CLASP1: variants seen among roughly 807,000 people sequenced by gnomAD.
CLASP1 encodes the protein cytoplasmic linker associated protein 1, also known as CLIP-associating protein 1.
CLASP1 carries 38 observed loss-of-function variants against 192.3 expected under a neutral mutation model. That is an observed-to-expected ratio of 0.20 (90% CI 0.15 to 0.26). The LOEUF (loss-of-function observed/expected upper bound fraction) is 0.26, where lower values mean the gene tolerates loss of function less well. Ranked by LOEUF, CLASP1 falls within the 10% of genes least tolerant of loss-of-function variation. The probability of loss-of-function intolerance (pLI) is 1.00; values close to 1 mark genes in which losing one functional copy is unlikely to be tolerated. For missense variants in CLASP1, 1,433 were observed against 1,932.5 expected (o/e 0.74, Z 4.85); for synonymous variants, 691 against 712.8 (o/e 0.97, Z 0.49).
rs540859369 is a variant in CLASP1 at position 121,484,182 on chromosome 2, A to G, written c.713-14222T>C. Among the ~76,000 whole-genome samples the G allele has an allele frequency of 4.6e-5, 7 of 152,316 alleles. No homozygotes were observed. The South Asian group carries it at 1.5e-3, about 32-fold the overall frequency. On this transcript the variant is annotated intron_variant, in intron 8 of 39. Transcript: ENST00000263710. ...TTTGTAAATTATAGATATATTACTA[A>G]AAGTACCTATTTGATAACTGTCCTC...
At chr2:121,593,962 C>T (rs1320699811) in intron 2 of CLASP1, among the ~76,000 whole-genome samples, 34 of 149,862 alleles carry the variant, frequency 2.3e-4, no homozygotes, top group Non-Finnish European at 4.6e-4. Flanking sequence ...GAGCCGAGAT[C>T]GCGCCACTGC....
At chr2:121,499,003 CTG>C (rs765670646) in intron 8 of CLASP1, among the ~76,000 whole-genome samples, 45 of 152,340 alleles carry the variant, frequency 3.0e-4, no homozygotes, top group East Asian at 9.6e-4. Context: ...AACTGGAAAA[CTG>C]TGTGTTTACT....
At chr2:121,616,553 C>G (rs2066495672) in intron 1 of CLASP1, among the ~76,000 whole-genome samples, 1 of 152,126 alleles carries the variant, frequency 6.6e-6, no homozygotes, top group Admixed American at 6.6e-5. Flanking sequence ...TAGTTTCATG[C>G]CAGAAAGAAG....
chr2:121,354,483 T>C (rs2065050092), intron 37 of CLASP1, among the ~76,000 whole-genome samples: 1 of 152,186 alleles, frequency 6.6e-6, no homozygotes, highest in Non-Finnish European at 1.5e-5. Flanking sequence ...TGTGTACCTA[T>C]GTGGCTGAGT....
intron 19 of CLASP1, among the ~76,000 whole-genome samples, chr2:121,441,773 T>G (rs1328885586): frequency 6.6e-6 from 1 of 152,110 alleles, no homozygotes; most frequent in Non-Finnish European, 1.5e-5. Context: ...CTTCATATTT[T>G]AAAAATTTAA....
At chr2:121,401,054 G>A (rs1015585204) in intron 28 of CLASP1, among the ~76,000 whole-genome samples, 1 of 152,188 alleles carries the variant, frequency 6.6e-6, no homozygotes, top group Non-Finnish European at 1.5e-5. Context: ...TACTGCAAAT[G>A]TGCTATTAAT....
chr2:121,469,880 T>C, exon 9 of CLASP1: 1 of 1,613,928 alleles, frequency 6.2e-7, no homozygotes, highest in African/African-American at 1.3e-5. Flanking sequence ...CTCCGAGAAC[T>C]TGGTGGAGCC....
At chr2:121,410,638 A>G (rs957030855) in intron 24 of CLASP1, among the ~76,000 whole-genome samples, 3 of 152,214 alleles carry the variant, frequency 2.0e-5, no homozygotes, top group African/African-American at 7.2e-5. Context: ...GATAAGAAAT[A>G]CTTGATGCTA....
At chr2:121,447,622 G>C in intron 18 of CLASP1, 115 bp from the exon 19 acceptor site, 1 of 899,130 alleles carries the variant, frequency 1.1e-6, no homozygotes. Context: ...TTTAACAAAT[G>C]CTGGAGCATA....
At chr2:121,398,395 G>C in exon 29 of CLASP1, 2 of 1,585,922 alleles carry the variant, frequency 1.3e-6, no homozygotes, top group East Asian at 2.3e-5. Flanking sequence ...AAATGGAAAG[G>C]AGTCCCTAGG....
intron 8 of CLASP1, among the ~76,000 whole-genome samples, chr2:121,481,995 G>C (rs1394758049): frequency 6.6e-6 from 1 of 152,122 alleles, no homozygotes; most frequent in Non-Finnish European, 1.5e-5. Context: ...ATCCAAAATA[G>C]GGCCAAACAA....
At chr2:121,461,276 TTAAG>T in intron 10 of CLASP1, 83 bp from the exon 11 acceptor site, 1 of 722,168 alleles carries the variant, frequency 1.4e-6, no homozygotes, top group Non-Finnish European at 2.3e-6. Flanking sequence ...GTCAAGAACA[TTAAG>T]TATGGTAAAA....
At chr2:121,454,613 T>C (rs1245459330) in intron 14 of CLASP1, among the ~76,000 whole-genome samples, 1 of 152,234 alleles carries the variant, frequency 6.6e-6, no homozygotes, top group Admixed American at 6.5e-5. Flanking sequence ...TTCAAAGCTG[T>C]CCTGTGCTGC....
intron 3 of CLASP1, among the ~76,000 whole-genome samples, chr2:121,529,972 A>G (rs2094714268): frequency 6.6e-6 from 1 of 152,228 alleles, no homozygotes; most frequent in Admixed American, 6.5e-5. Flanking sequence ...TGAAGCCAGT[A>G]CAAAGGTATG....
At chr2:121,480,221 C>T (rs941283185) in intron 8 of CLASP1, among the ~76,000 whole-genome samples, 2 of 152,178 alleles carry the variant, frequency 1.3e-5, no homozygotes, top group African/African-American at 4.8e-5. Flanking sequence ...GAAAGACAGG[C>T]AAGGAAAACA....
At chr2:121,621,742 CT>C (rs35426145) in intron 1 of CLASP1, among the ~76,000 whole-genome samples, 8 of 152,210 alleles carry the variant, frequency 5.3e-5, no homozygotes, top group African/African-American at 1.9e-4. Flanking sequence ...AGTCCTCCAA[CT>C]TTTTTTCAAG....
In CLASP1 at chr2:121,642,664, G is replaced by A. The variant is rs181494018; in HGVS notation, c.-286+6708C>T. On this transcript the variant is annotated intron_variant, in intron 1 of 39. Transcript: ENST00000263710. Reference sequence around the variant, plus strand: ...GAAGAATCGCTTGAATCCGGGAGGCGGAGGTTGCAGTAAGCTGAGATTGCG... The same window carrying A: ...GAAGAATCGCTTGAATCCGGGAGGCAGAGGTTGCAGTAAGCTGAGATTGCG... 3.3e-3 allele frequency among the ~76,000 whole-genome samples: 498 copies of A among 152,192 alleles called. 3 individuals carry two copies. Among genetic ancestry groups the A allele is most frequent in the African/African-American group, 0.011 (467 of 41,534 alleles).
chr2:121,392,127 G>A (rs1450757527), intron 30 of CLASP1, among the ~76,000 whole-genome samples: 1 of 152,104 alleles, frequency 6.6e-6, no homozygotes, highest in East Asian at 1.9e-4. Context: ...TCTTCGCCAC[G>A]CCTTTTTGCC....
chr2:121,502,463 G>C (rs1298785101), intron 8 of CLASP1, among the ~76,000 whole-genome samples: 2 of 152,180 alleles, frequency 1.3e-5, no homozygotes, highest in Non-Finnish European at 2.9e-5. Context: ...TACTGTATGA[G>C]GGAGGAGGGA....
Sources: allele counts gnomAD v4.1 joint callset (sites outside exome capture counted in the v4.1 genomes callset), GRCh38; gene constraint gnomAD v4.1.1; transcripts MANE v1.5; gene names NCBI Gene and HGNC (gene_info 2026-07-23, HGNC 2026-07-21).